AGR3: variants seen among roughly 807,000 people sequenced by gnomAD.
AGR3 encodes the protein anterior gradient 3, protein disulphide isomerase family member.
A neutral mutation model predicts 24.5 loss-of-function variants in AGR3; 37 were observed. The observed-to-expected ratio is 1.51, with a 90% CI of 1.16 to 1.99. The LOEUF is 1.99. AGR3 is among the 30% of genes most tolerant of loss of function. The pLI is 0.00. For synonymous variants in AGR3, 75 were observed against 61.6 expected (o/e 1.22, Z -1.02); for missense variants, 228 against 191.1 (o/e 1.19, Z -1.14).
intron 1 of AGR3, among the ~76,000 whole-genome samples, chr7:16,880,501 T>TCCACTCCTTTCCCCTCCTTC: frequency 1.8e-5 from 1 of 56,280 alleles, no homozygotes; most frequent in African/African-American, 6.1e-5. Context: ...TCCCCTCCTT[T>TCCACTCCTTTCCCCTCCTTC]CCCCTCCTCT....
intron 3 of AGR3, among the ~76,000 whole-genome samples, chr7:16,862,878 T>C (rs1043104217): frequency 6.6e-6 from 1 of 152,154 alleles, no homozygotes; most frequent in African/African-American, 2.4e-5. Context: ...GGAATTTAAA[T>C]TCAAAGGCTC....
At chr7:16,858,546 T>C (rs1781584658), downstream of AGR3, among the ~76,000 whole-genome samples, 1 of 152,186 alleles carries the variant, frequency 6.6e-6, no homozygotes, top group Non-Finnish European at 1.5e-5. Context: ...CTTAAAATTA[T>C]TAAAAGTTTT....
chr7:16,863,067 C>G (rs934399327), intron 3 of AGR3, among the ~76,000 whole-genome samples: 1 of 152,184 alleles, frequency 6.6e-6, no homozygotes, highest in South Asian at 2.1e-4. Flanking sequence ...GAGACTCTGT[C>G]TCAAACAGAC....
At chr7:16,865,239 C>CT (rs1418337782) in intron 3 of AGR3, 131 of 810,174 alleles carry the variant, frequency 1.6e-4, no homozygotes, top group Non-Finnish European at 2.4e-4. Flanking sequence ...TAAAGACATT[C>CT]TTTTTTTCCT....
rs567892395 is a variant in AGR3, at chr7:16,864,924, C to T, written c.174-2262G>A. 5 of 937,774 alleles carry T rather than the reference C, an allele frequency of 5.3e-6. No individual in the cohort carries two copies. In the South Asian group the frequency reaches 6.5e-5, roughly 12 times the overall value. 58.1% of individuals were successfully genotyped at this position (937,774 alleles called of 1,614,324 possible). A position where few individuals can be genotyped will look rare whatever the true frequency, so the allele number is the denominator to read the frequency against. The stretch of plus-strand genomic sequence containing the variant: ...TGGCTCTCACAATATCATCAATTTC[C>T]ATGAAGAAGTCTATGTAGTTTTGGT... On this transcript the variant is annotated intron_variant, in intron 3 of 7. Transcript: ENST00000310398.
chr7:16,864,473 T>C (rs1189042626), intron 3 of AGR3: 16 of 1,273,070 alleles, frequency 1.3e-5, no homozygotes, highest in African/African-American at 3.0e-5. Flanking sequence ...TCATCTCCAC[T>C]GTCAGGGTCG....
At chr7:16,866,536 T>C (rs1781762370) in intron 3 of AGR3, among the ~76,000 whole-genome samples, 1 of 152,196 alleles carries the variant, frequency 6.6e-6, no homozygotes, top group Non-Finnish European at 1.5e-5. Flanking sequence ...AATTCTGATA[T>C]ATACTCTCCA....
Position 16,878,646 on chromosome 7 carries a change from C to A in AGR3, c.-27-1G>T, listed in dbSNP as rs1328313366. The A allele has an allele frequency of 6.3e-7, 1 of 1,575,228 alleles. No individual in the cohort carries two copies. On this transcript the variant is annotated splice_acceptor_variant, in intron 1 of 7. Coordinates refer to ENST00000310398, the MANE Select transcript of AGR3 (RefSeq NM_176813.5). LOFTEE classifies it low-confidence loss of function (5UTR_SPLICE). ...CTTCTAGAGACTCTCTCAGAAGAAGCTAGATGACAGAAAGGAATTCTCAGA... is the reference window on the plus strand; with the variant it reads ...CTTCTAGAGACTCTCTCAGAAGAAGATAGATGACAGAAAGGAATTCTCAGA...
At chr7:16,864,742 G>A (rs561589652) in intron 3 of AGR3, 1 of 1,361,980 alleles carries the variant, frequency 7.3e-7, no homozygotes. Context: ...TGTGTGCGAG[G>A]GTCAAAAACT....
At position 16,878,488 on chromosome 7, in the gene AGR3, A is replaced by G. The variant is rs369423353; in HGVS notation, c.109+22T>C. 1.3e-5 allele frequency: 21 copies of G among 1,594,906 alleles called. No individual in the cohort carries two copies. The African/African-American group carries it at 2.7e-4, about 20-fold the overall frequency. ...AGCAATCCAAATGACTGAGTTTAGA[A>G]AATAAAATGAGATTACAGCACCTCT... is the stretch of plus-strand genomic sequence containing the variant. On this transcript the variant is annotated intron_variant, in intron 2 of 7. Coordinates refer to ENST00000310398, the MANE Select transcript of AGR3 (RefSeq NM_176813.5).
intron 4 of AGR3, 150 bp from the exon 5 acceptor site, chr7:16,862,210 C>G (rs1781664403): frequency 1.6e-6 from 1 of 630,388 alleles, no homozygotes; most frequent in African/African-American, 1.8e-5. Context: ...CCACTTTGTC[C>G]CTCATTGGAA....
intron 2 of AGR3, among the ~76,000 whole-genome samples, chr7:16,876,633 G>A (rs1311006871): frequency 2.0e-5 from 3 of 152,060 alleles, no homozygotes; most frequent in Non-Finnish European, 4.4e-5. Flanking sequence ...TATCTCCCAT[G>A]TAGCAATAGA....
chr7:16,863,931 C>T (rs183330612), intron 3 of AGR3, among the ~76,000 whole-genome samples: 1 of 151,878 alleles, frequency 6.6e-6, no homozygotes, highest in African/African-American at 2.4e-5. Context: ...TATTTACAGC[C>T]CCCCATAAAG....
At chr7:16,869,732 G>A (rs1424713102) in intron 3 of AGR3, among the ~76,000 whole-genome samples, 1 of 149,220 alleles carries the variant, frequency 6.7e-6, no homozygotes, top group Non-Finnish European at 1.5e-5. Context: ...AATCCATTGA[G>A]TCACTCTATG....
intron 2 of AGR3, 132 bp from the exon 3 acceptor site, chr7:16,873,975 A>C: frequency 2.8e-6 from 2 of 721,604 alleles, no homozygotes; most frequent in Non-Finnish European, 4.7e-6. Context: ...CATATGGTGC[A>C]GAGGACACAC....
At chr7:16,878,373 C>T in intron 2 of AGR3, 137 bp downstream of exon 2, 1 of 675,952 alleles carries the variant, frequency 1.5e-6, no homozygotes, top group Admixed American at 2.9e-5. Context: ...TTAAAAAATC[C>T]ATTTTGAAGT....
At chr7:16,879,173 T>G (rs1439829507) in intron 1 of AGR3, among the ~76,000 whole-genome samples, 2 of 152,240 alleles carry the variant, frequency 1.3e-5, no homozygotes, top group Non-Finnish European at 2.9e-5. Context: ...CTTCAGTTCC[T>G]TTATAGTTTC....
At chr7:16,866,633 AT>A (rs148369978) in intron 3 of AGR3, among the ~76,000 whole-genome samples, 2 of 151,946 alleles carry the variant, frequency 1.3e-5, no homozygotes, top group Non-Finnish European at 2.9e-5. Context: ...ATTAGTTTAA[AT>A]TTTTTTTATC....
intron 3 of AGR3, among the ~76,000 whole-genome samples, chr7:16,868,558 T>C (rs2115306485): frequency 6.6e-6 from 1 of 152,316 alleles, no homozygotes; most frequent in East Asian, 1.9e-4. Flanking sequence ...ATTTGCTTCT[T>C]TTCAGATGTA....
Sources: gnomAD v4.1 joint callset for allele counts (sites outside exome capture counted in the v4.1 genomes callset) on GRCh38, gnomAD v4.1.1 for gene constraint, MANE v1.5 for transcripts, NCBI Gene and HGNC (gene_info 2026-07-23, HGNC 2026-07-21) for gene names.